Variants in CRACR2A observed in about 807,000 individuals in gnomAD.
CRACR2A encodes calcium release activated channel regulator 2A.
A neutral mutation model predicts 90.5 loss-of-function variants in CRACR2A; 79 were observed. The ratio of observed to expected loss-of-function variants is 0.87; its 90% CI spans 0.73 to 1.05. CRACR2A has a LOEUF of 1.05. Among genes scored for constraint, CRACR2A ranks in the 50% least tolerant of loss-of-function variants. CRACR2A has a pLI of 0.00. For missense variants in CRACR2A, 823 were observed against 897.2 expected (o/e 0.92, Z 1.06); for synonymous variants, 338 against 356.7 (o/e 0.95, Z 0.59).
At chr12:3,619,820 G>A (rs935890466) in intron 17 of CRACR2A, among the ~76,000 whole-genome samples, 2 of 152,234 alleles carry the variant, frequency 1.3e-5, no homozygotes, top group African/African-American at 2.4e-5. Flanking sequence ...AGTTGTTCTG[G>A]AGGCTGCTTT....
At chr12:3,625,649 G>A (rs748791310) in intron 17 of CRACR2A, among the ~76,000 whole-genome samples, 2 of 148,976 alleles carry the variant, frequency 1.3e-5, no homozygotes, top group Non-Finnish European at 3.0e-5. Context: ...AAACTCTTTT[G>A]TCTAACAAAA....
At position 3,679,154 on chromosome 12, in the gene CRACR2A, T is replaced by C. The variant is rs1435676082; in HGVS notation, c.341-56A>G. 7.5e-6 allele frequency: 11 copies of C among 1,463,144 alleles called. No homozygotes were observed. In the East Asian group the frequency reaches 2.5e-4, roughly 33 times the overall value. The allele number at this position is 1,463,144 out of a possible 1,614,324, so 90.6% of individuals were successfully genotyped here. A position where few individuals can be genotyped will look rare whatever the true frequency, so the allele number is the denominator to read the frequency against. ...TAGACCATACCCATCCAGGAAGAGC[T>C]CAGCTTTCTCACCTGCCAGGAATCA... On this transcript the variant is annotated intron_variant, in intron 5 of 19. Transcript: ENST00000440314.
chr12:3,640,565 T>C, intron 13 of CRACR2A: 1 of 1,273,544 alleles, frequency 7.9e-7, no homozygotes. Context: ...CCAACCACTA[T>C]TGCAGAGATT....
chr12:3,631,275 G>A (rs1175871189), intron 15 of CRACR2A, among the ~76,000 whole-genome samples: 2 of 152,196 alleles, frequency 1.3e-5, no homozygotes, highest in African/African-American at 2.4e-5. Flanking sequence ...CTCCTGGGAA[G>A]TGCAAATGAG....
chr12:3,673,424 C>T (rs377720928), intron 7 of CRACR2A, 22 bp downstream of exon 7: 43 of 1,597,200 alleles, frequency 2.7e-5, no homozygotes, highest in African/African-American at 4.1e-5. Flanking sequence ...TTACAGAAAG[C>T]GGCTGACACT....
In CRACR2A at chr12:3,679,044, A is replaced by C; in HGVS notation, c.395T>G (p.Val132Gly). ...NPSQEDAGEQ[V>G]AQRHEEKVYL... ...CACCTTCTCTTCATGGCGCTGGGCCACCTGTTCACCTGCATCTTCCTGACT... is the reference window on the plus strand; with the variant it reads ...CACCTTCTCTTCATGGCGCTGGGCCCCCTGTTCACCTGCATCTTCCTGACT... Residue 132 changes from valine (V) to glycine (G), a missense_variant, in exon 6 of 20, where the codon GTG becomes GGG. Physicochemically the swap from Val to Gly is moderately radical, Grantham distance 109 (BLOSUM62 -3). Coordinates refer to ENST00000440314, the MANE Select transcript of CRACR2A (RefSeq NM_001144958.2). 1 of 1,613,818 alleles carries C rather than the reference A, an allele frequency of 6.2e-7. No homozygotes were observed. The highest frequency in any genetic ancestry group is 8.5e-7 in the Non-Finnish European group (1 of 1,179,920).
At chr12:3,634,372 C>T (rs1327264131) in intron 14 of CRACR2A, among the ~76,000 whole-genome samples, 1 of 152,162 alleles carries the variant, frequency 6.6e-6, no homozygotes, top group Non-Finnish European at 1.5e-5. Context: ...GCACGAGGGT[C>T]TCCACTTAGG....
At position 3,654,279 on chromosome 12, in the gene CRACR2A, G is replaced by A. The variant is rs1424392031; in HGVS notation, c.979C>T (p.Gln327Ter). ...CTTTCCAACTGCTGCTGAGCATCCT[G>A]GAGCTCCCAGGAAGTCCGCTCCAGC... The part of the protein sequence containing the change: ...RELERTSWEL[Q>*]DAQQQLESLQ... Residue 327 changes from glutamine (Q) to a stop codon, truncating the protein, a stop_gained, in exon 10 of 20, where the codon CAG becomes TAG. Coordinates refer to ENST00000440314, the MANE Select transcript of CRACR2A (RefSeq NM_001144958.2). LOFTEE classifies it high-confidence loss of function. 1 of 1,613,810 alleles carries A rather than the reference G, an allele frequency of 6.2e-7. No homozygotes were observed. The highest frequency in any genetic ancestry group is 8.5e-7 in the Non-Finnish European group (1 of 1,179,922).
rs1946601410 is a variant in CRACR2A at position 3,745,655 on chromosome 12, T to A, written c.-387+7360A>T. The stretch of plus-strand genomic sequence containing the variant: ...CAGGCATGGTGGTGCATGCCTGTAA[T>A]CCCAGCTACTTGGGAGGCTGAGGCA... On this transcript the variant is annotated intron_variant, in intron 1 of 19. Coordinates refer to ENST00000440314, the MANE Select transcript of CRACR2A (RefSeq NM_001144958.2). 2.6e-5 allele frequency among the ~76,000 whole-genome samples: 4 copies of A among 151,790 alleles called. No homozygotes were observed. In the South Asian group the frequency reaches 8.3e-4, roughly 32 times the overall value.
chr12:3,618,522 G>A (rs1262685615), intron 18 of CRACR2A, among the ~76,000 whole-genome samples: 1 of 152,156 alleles, frequency 6.6e-6, no homozygotes, highest in Non-Finnish European at 1.5e-5. Context: ...GTAGATACCT[G>A]CCAGGCCCTT....
intron 2 of CRACR2A, among the ~76,000 whole-genome samples, chr12:3,714,078 C>T (rs1382543558): frequency 6.6e-6 from 1 of 152,222 alleles, no homozygotes; most frequent in African/African-American, 2.4e-5. Context: ...AGATGTATAT[C>T]ACCAAGGAGG....
chr12:3,640,641 AG>A (rs1944548799), intron 13 of CRACR2A: 1 of 1,305,322 alleles, frequency 7.7e-7, no homozygotes, highest in Non-Finnish European at 1.0e-6. Flanking sequence ...TCAGGCCCAA[AG>A]GTTTTACTGA....
At chr12:3,627,115 T>C (rs754851184) in intron 17 of CRACR2A, among the ~76,000 whole-genome samples, 11 of 152,142 alleles carry the variant, frequency 7.2e-5, no homozygotes, top group Non-Finnish European at 1.2e-4. Flanking sequence ...GACACTCCAC[T>C]GTGTCCCCTC....
At chr12:3,660,454 C>CTAGAGAGATGAAGACAAACACACAGCCTA (rs917900162) in intron 7 of CRACR2A, among the ~76,000 whole-genome samples, 14 of 152,146 alleles carry the variant, frequency 9.2e-5, no homozygotes, top group Admixed American at 2.6e-4. Flanking sequence ...AAGTAAGTAC[C>CTAGAGAGATGAAGACAAACACACAGCCTA]TAGAGAGATG....
chr12:3,740,910 G>C (rs1946514740), intron 1 of CRACR2A, among the ~76,000 whole-genome samples: 1 of 152,126 alleles, frequency 6.6e-6, no homozygotes, highest in Admixed American at 6.6e-5. Flanking sequence ...GCATATGGTG[G>C]GCTCTCAGTG....
At chr12:3,640,752 C>T (rs370786253) in intron 13 of CRACR2A, 130 of 1,305,238 alleles carry the variant, frequency 1.0e-4, no homozygotes, top group African/African-American at 1.7e-4. Flanking sequence ...ACTGAAGAGT[C>T]GGGATGCCTC....
intron 10 of CRACR2A, among the ~76,000 whole-genome samples, chr12:3,653,261 G>A (rs866337143): frequency 5.9e-5 from 9 of 152,180 alleles, no homozygotes; most frequent in Non-Finnish European, 7.3e-5. Context: ...GATTACAGGC[G>A]TGAGCCACCG....
intron 11 of CRACR2A, chr12:3,647,945 C>G (rs1944719617): frequency 1.0e-6 from 1 of 985,586 alleles, no homozygotes; most frequent in East Asian, 1.1e-4. Context: ...CATTCCAGAC[C>G]AGTAAACTTT....
intron 3 of CRACR2A, among the ~76,000 whole-genome samples, chr12:3,701,675 AAC>A (rs1336784541): frequency 1.3e-5 from 2 of 152,172 alleles, no homozygotes; most frequent in African/African-American, 4.8e-5. Flanking sequence ...CTGATAGTTA[AAC>A]AAAAAATCTT....
Sources: allele counts gnomAD v4.1 joint callset (sites outside exome capture counted in the v4.1 genomes callset), GRCh38; gene constraint gnomAD v4.1.1; transcripts MANE v1.5; gene names NCBI Gene and HGNC (gene_info 2026-07-23, HGNC 2026-07-21).